PCDHGA9: variants seen among roughly 807,000 people sequenced by gnomAD.
PCDHGA9 encodes the protein protocadherin gamma subfamily A, 9.
Under a neutral mutation model 62.5 loss-of-function variants are expected in PCDHGA9, and 37 were observed. That is an observed-to-expected ratio of 0.59 (90% CI 0.46 to 0.78). The LOEUF (loss-of-function observed/expected upper bound fraction) is 0.78. PCDHGA9 is among the 30% of genes least tolerant of loss of function. The pLI, the probability that PCDHGA9 is intolerant of heterozygous loss-of-function variation, is 0.00. For missense variants in PCDHGA9, 1,138 were observed against 1,166.2 expected (o/e 0.98, Z 0.35); for synonymous variants, 459 against 484.6 (o/e 0.95, Z 0.69).
At chr5:141,508,906 G>A (rs2099872897) in intron 3 of PCDHGA9, among the ~76,000 whole-genome samples, 1 of 152,092 alleles carries the variant, frequency 6.6e-6, no homozygotes, top group Non-Finnish European at 1.5e-5. Context: ...CGGGGCGGTG[G>A]CGGATCTGGC....
At chr5:141,441,862 G>A (rs2098280399) in intron 1 of PCDHGA9, 3 of 342,456 alleles carry the variant, frequency 8.8e-6, no homozygotes, top group Non-Finnish European at 1.1e-5. Context: ...GCTGCACGCC[G>A]CGGAGCCTGG....
intron 1 of PCDHGA9, chr5:141,419,435 C>CGCACCT (rs2096383167): frequency 6.2e-7 from 1 of 1,613,108 alleles, no homozygotes; most frequent in Admixed American, 1.7e-5. Context: ...CGAGCAGCTG[C>CGCACCT]GCACCTTCGA....
At chr5:141,426,767 A>G (rs1219028777) in intron 1 of PCDHGA9, 1 of 456,548 alleles carries the variant, frequency 2.2e-6, no homozygotes, top group Admixed American at 2.3e-5. Flanking sequence ...ATGCAGATGT[A>G]GGGCCTCACT....
At chr5:141,436,300 G>A (rs966232889) in intron 1 of PCDHGA9, among the ~76,000 whole-genome samples, 1 of 152,180 alleles carries the variant, frequency 6.6e-6, no homozygotes, top group African/African-American at 2.4e-5. Flanking sequence ...TTGAGAGTTA[G>A]AGCATGAATA....
intron 2 of PCDHGA9, among the ~76,000 whole-genome samples, chr5:141,498,404 C>T (rs1283586713): frequency 6.6e-6 from 1 of 152,104 alleles, no homozygotes; most frequent in African/African-American, 2.4e-5. Context: ...AGGGAGTTTT[C>T]TCTTTGCTGG....
rs1360364370 is a variant in PCDHGA9, at chr5:141,491,814, G to A, written c.2425-2993G>A. 1 of 1,486,114 alleles carries A rather than the reference G, an allele frequency of 6.7e-7. No individual in the cohort carries two copies. The allele number at this position is 1,486,114 out of a possible 1,614,324, so 92.1% of individuals were successfully genotyped here. On this transcript the variant is annotated intron_variant, in intron 1 of 3. Transcript: ENST00000573521. This position sits in a 1 kb window ranked among gnomAD's most constrained non-coding sequence, Gnocchi z 6.9. ...TCCTCTCCGGCCGGCTTGGTCGCTGGCTGCGCTCCACCCGATTCTCGGGAT... is the reference window on the plus strand; with the variant it reads ...TCCTCTCCGGCCGGCTTGGTCGCTGACTGCGCTCCACCCGATTCTCGGGAT...
In PCDHGA9 at chr5:141,487,568, C is replaced by T. The variant is rs752378906; in HGVS notation, c.2425-7239C>T. Reference sequence around the variant, plus strand: ...ACCCAGTGCACCTATGGCAGGGGAGCCTGTTCGCCCAAGCTGCCCACCCTC... The same window carrying T: ...ACCCAGTGCACCTATGGCAGGGGAGTCTGTTCGCCCAAGCTGCCCACCCTC... On this transcript the variant is annotated intron_variant, in intron 1 of 3. Transcript: ENST00000573521. This position sits in a 1 kb window ranked among gnomAD's most constrained non-coding sequence, Gnocchi z 5.0. The T allele has an allele frequency of 1.2e-6, 2 of 1,614,180 alleles. No individual in the cohort carries two copies. The highest frequency in any genetic ancestry group is 1.7e-6 in the Non-Finnish European group (2 of 1,180,042).
chr5:141,427,405 C>T (rs1209638263), intron 1 of PCDHGA9: 1 of 462,180 alleles, frequency 2.2e-6, no homozygotes, highest in East Asian at 6.8e-5. Context: ...GATAAAGATT[C>T]GAGAGAAAAT....
Position 141,421,822 on chromosome 5 carries a change from G to A in PCDHGA9, c.2424+16446G>A, listed in dbSNP as rs2096603648. On this transcript the variant is annotated intron_variant, in intron 1 of 3. Transcript: ENST00000573521. ...CAAGAATCCAGAGCTAGTACTGGAG[G>A]GAAGCCTGGACCGAGAGAAAGAGGC... 3.7e-6 allele frequency: 6 copies of A among 1,613,690 alleles called. No homozygotes were observed. The East Asian group carries it at 1.1e-4, about 30-fold the overall frequency.
intron 1 of PCDHGA9, among the ~76,000 whole-genome samples, chr5:141,488,510 G>A (rs910546464): frequency 1.3e-5 from 2 of 152,152 alleles, no homozygotes; most frequent in Non-Finnish European, 2.9e-5. Context: ...TCCACATTTG[G>A]GGTCTGGGGT....
chr5:141,511,560 TC>T lies in PCDHGA9; in HGVS notation c.*390del. ...CCACCCCACTCCAACAGTTCCTCTT[TC>T]CCGAGTAAGGTGGTTGGGGTGTTGA... On this transcript the variant is annotated 3_prime_UTR_variant, in exon 4 of 4. Transcript: ENST00000573521. 3.3e-6 allele frequency: 1 copy of T among 298,990 alleles called. No individual in the cohort carries two copies. The highest frequency in any genetic ancestry group is 3.7e-5 in the South Asian group (1 of 27,250). The allele number at this position is 298,990 out of a possible 1,614,324, so 18.5% of individuals were successfully genotyped here. A position where few individuals can be genotyped will look rare whatever the true frequency, so the allele number is the denominator to read the frequency against.
intron 2 of PCDHGA9, among the ~76,000 whole-genome samples, chr5:141,496,628 C>T (rs928402582): frequency 2.0e-5 from 3 of 152,212 alleles, no homozygotes; most frequent in Non-Finnish European, 2.9e-5. Flanking sequence ...GATCAAAAGG[C>T]TTGGGCTGCC....
rs145569377 is a variant in PCDHGA9 at position 141,455,860 on chromosome 5, ATTATTTATTTATTTAT to A, written c.2425-38908_2425-38893del. Among the ~76,000 whole-genome samples, 551 of 139,848 alleles carry A rather than the reference ATTATTTATTTATTTAT, an allele frequency of 3.9e-3. 2 individuals carry two copies. The highest frequency in any genetic ancestry group is 9.7e-3 in the South Asian group (42 of 4,344). The allele number at this position is 139,848 out of a possible 152,430, so 91.7% of individuals were successfully genotyped here. ...CTATCTGCATAAAATAATTTCTTTTATTATTTATTTATTTATTTATTTATTTATTTATTTATTTATT... is the reference window on the plus strand; with the variant it reads ...CTATCTGCATAAAATAATTTCTTTTATTATTTATTTATTTATTTATTTATT... On this transcript the variant is annotated intron_variant, in intron 1 of 3. Transcript: ENST00000573521.
intron 1 of PCDHGA9, chr5:141,421,995 C>G (rs750731453): frequency 6.2e-7 from 1 of 1,608,844 alleles, no homozygotes; most frequent in South Asian, 1.1e-5. Context: ...CAGAAAACAT[C>G]AGCTCCGGAA....
chr5:141,415,686 G>T, intron 1 of PCDHGA9: 2 of 1,535,424 alleles, frequency 1.3e-6, no homozygotes, highest in Middle Eastern at 1.7e-4. Flanking sequence ...GCGGCATGAT[G>T]GTGGAAAGTG....
chr5:141,462,161 T>G (rs1592764918), intron 1 of PCDHGA9, among the ~76,000 whole-genome samples: 1 of 152,148 alleles, frequency 6.6e-6, no homozygotes, highest in Non-Finnish European at 1.5e-5. Flanking sequence ...GGTTTCATCA[T>G]GTTGGCCAGG....
rs1219045744 is a variant in PCDHGA9 at position 141,476,783 on chromosome 5, G to T, written c.2425-18024G>T. The stretch of plus-strand genomic sequence containing the variant: ...GACGGCGTTGGACGGAGGGACCCCA[G>T]CTCTCTCCGCCAGCCTGCCTATTCA... On this transcript the variant is annotated intron_variant, in intron 1 of 3. Transcript: ENST00000573521. The surrounding 1 kb of genome is among the most constrained non-coding windows in gnomAD (Gnocchi z 7.6). 5 of 1,613,392 alleles carry T rather than the reference G, an allele frequency of 3.1e-6. No homozygotes were observed. The highest frequency in any genetic ancestry group is 2.7e-5 in the African/African-American group (2 of 74,930).
chr5:141,498,656 G>A (rs2154592341), intron 2 of PCDHGA9, among the ~76,000 whole-genome samples: 1 of 152,336 alleles, frequency 6.6e-6, no homozygotes, highest in Non-Finnish European at 1.5e-5. Context: ...ACCTGGCCAG[G>A]TGTGGTGGCT....
rs1403622769 is a variant in PCDHGA9, at chr5:141,404,231, A to G, written c.1279A>G (p.Arg427Gly). ...EYNITVTATD[R>G]GTPPLSTEIH... is the part of the protein sequence containing the mutation. ...TAATATCACGGTGACTGCAACAGAC[A>G]GAGGAACTCCGCCCCTGTCCACAGA... Residue 427 changes from arginine to glycine, a missense_variant, in exon 1 of 4, where the codon AGA (arginine) becomes GGA (glycine). Physicochemically the swap from Arg to Gly is moderately radical, Grantham distance 125. Transcript: ENST00000573521. 1 of 1,613,928 alleles carries G rather than the reference A, an allele frequency of 6.2e-7. No individual in the cohort carries two copies. The highest frequency in any genetic ancestry group is 8.5e-7 in the Non-Finnish European group (1 of 1,179,836).
Sources: allele counts gnomAD v4.1 joint callset (sites outside exome capture counted in the v4.1 genomes callset), GRCh38; gene constraint gnomAD v4.1.1; non-coding constraint Gnocchi (gnomAD v3.1); transcripts MANE v1.5; gene names NCBI Gene and HGNC (gene_info 2026-07-23, HGNC 2026-07-21).